The following WTAP variants were observed in gnomAD, a reference collection of about 807,000 sequenced individuals.
WTAP encodes the protein pre-mRNA-splicing regulator WTAP.
A neutral mutation model predicts 50.0 loss-of-function variants in WTAP; 8 were observed. The observed-to-expected ratio is 0.16, with a 90% CI of 0.09 to 0.29. The LOEUF (loss-of-function observed/expected upper bound fraction) is 0.29, where lower values mean the gene tolerates loss of function less well. Ranked by LOEUF, WTAP falls within the 10% of genes least tolerant of loss-of-function variation. The pLI is 1.00. For synonymous variants in WTAP, 194 were observed against 169.0 expected, an observed-to-expected ratio of 1.15 and a Z score of -1.15; for missense variants, 295 against 470.7, an observed-to-expected ratio of 0.63 and a Z score of 3.45.
At chr6:159,732,131 G>T (rs1464611921) in intron 1 of WTAP, among the ~76,000 whole-genome samples, 2 of 152,066 alleles carry the variant, frequency 1.3e-5, no homozygotes, top group East Asian at 1.9e-4. Context: ...CTGTATTTTT[G>T]ATCCGAGTAC....
intron 5 of WTAP, among the ~76,000 whole-genome samples, chr6:159,747,919 GT>G (rs1779672151): frequency 6.6e-6 from 1 of 152,030 alleles, no homozygotes; most frequent in South Asian, 2.1e-4. Flanking sequence ...TGACAAATAA[GT>G]TTTTTACATA....
chr6:159,754,957 G>C (rs756435341), intron 7 of WTAP, 71 bp from the exon 8 acceptor site: 50 of 1,422,456 alleles, frequency 3.5e-5, no homozygotes, highest in Non-Finnish European at 4.6e-5. Flanking sequence ...CTTGCTTTGT[G>C]GCAGGCACTA....
At chr6:159,744,496 T>C (rs1275482936) in intron 5 of WTAP, among the ~76,000 whole-genome samples, 1 of 149,650 alleles carries the variant, frequency 6.7e-6, no homozygotes, top group Non-Finnish European at 1.5e-5. Flanking sequence ...ATTCTGGTCA[T>C]TGGAGACACC....
chr6:159,738,949 T>G, intron 2 of WTAP, 41 bp from the exon 3 acceptor site: 1 of 1,514,228 alleles, frequency 6.6e-7, no homozygotes, highest in Non-Finnish European at 9.1e-7. Flanking sequence ...CTTTGTGTCT[T>G]CAGGAAGAAC....
At chr6:159,742,623 T>A (rs1171899444) in intron 4 of WTAP, among the ~76,000 whole-genome samples, 1 of 152,192 alleles carries the variant, frequency 6.6e-6, no homozygotes. Context: ...GCCATTTTAG[T>A]CTCACTTTTT....
intron 2 of WTAP, among the ~76,000 whole-genome samples, chr6:159,737,590 T>A (rs1778998907): frequency 6.6e-6 from 1 of 152,048 alleles, no homozygotes; most frequent in Non-Finnish European, 1.5e-5. Context: ...TACCCCAGCT[T>A]ATGCGATCCT....
chr6:159,753,279 G>T, intron 6 of WTAP, 181 bp from the exon 7 acceptor site: 1 of 883,616 alleles, frequency 1.1e-6, no homozygotes. Flanking sequence ...TTACTGCTGT[G>T]TTGGCAAAAT....
chr6:159,751,212 G>A (rs778499654), intron 6 of WTAP, among the ~76,000 whole-genome samples: 5 of 152,068 alleles, frequency 3.3e-5, no homozygotes, highest in African/African-American at 9.7e-5. Flanking sequence ...AGTTTTAAAC[G>A]TGATATGACT....
chr6:159,727,374 T>TGGCAGGAGGCGGGAGGCAGGA, upstream of WTAP: 2 of 1,032,510 alleles, frequency 1.9e-6, no homozygotes, highest in Non-Finnish European at 2.5e-6. Flanking sequence ...GCGGGGAGGC[T>TGGCAGGAGGCGGGAGGCAGGA]GGCGGGAGGC....
chr6:159,752,041 AAC>A (rs1302949393), intron 6 of WTAP, among the ~76,000 whole-genome samples: 1 of 151,606 alleles, frequency 6.6e-6, no homozygotes, highest in East Asian at 1.9e-4. Flanking sequence ...CCAGCCTGGC[AAC>A]ACAGTGAGAC....
At chr6:159,732,347 C>A (rs940251213) in intron 1 of WTAP, among the ~76,000 whole-genome samples, 4 of 152,066 alleles carry the variant, frequency 2.6e-5, no homozygotes, top group Non-Finnish European at 5.9e-5. Context: ...AAAAGGTATA[C>A]CACCTAGCCA....
chr6:159,728,412 A>T (rs1173925195), intron 1 of WTAP, among the ~76,000 whole-genome samples: 2 of 138,504 alleles, frequency 1.4e-5, no homozygotes, highest in Admixed American at 7.0e-5. Context: ...GTGATTATGT[A>T]AAAAAAACAA....
At chr6:159,727,470 G>A, upstream of WTAP, 1 of 993,238 alleles carries the variant, frequency 1.0e-6, no homozygotes, top group Non-Finnish European at 1.2e-6. Flanking sequence ...GCGGAGCCGT[G>A]CGGCGGGGCG....
In WTAP at chr6:159,742,072, GA is replaced by G. The variant is rs771400411; in HGVS notation, c.87-15del. 111 of 1,573,728 alleles carry G rather than the reference GA, an allele frequency of 7.1e-5. No individual in the cohort carries two copies. The East Asian group carries it at 2.4e-3, about 34-fold the overall frequency. ...ATTTTATCGTAACAACTAATGTATG[GA>G]TTTTTTTTTATTAGATGGAAACAAT... On this transcript the variant is annotated splice_polypyrimidine_tract_variant and intron_variant, in intron 3 of 7. Transcript: ENST00000621533.
intron 1 of WTAP, among the ~76,000 whole-genome samples, chr6:159,731,292 C>G (rs1198500220): frequency 6.6e-6 from 1 of 151,406 alleles, no homozygotes; most frequent in Non-Finnish European, 1.5e-5. Flanking sequence ...AAGACCTCAT[C>G]TCTACTACCA....
At chr6:159,735,250 T>C (rs998954315) in intron 1 of WTAP, among the ~76,000 whole-genome samples, 7 of 152,166 alleles carry the variant, frequency 4.6e-5, no homozygotes, top group African/African-American at 1.7e-4. Context: ...AGGCGATTCC[T>C]GCCTCAGTCT....
chr6:159,737,084 C>G (rs1417917339), intron 2 of WTAP, among the ~76,000 whole-genome samples: 2 of 152,198 alleles, frequency 1.3e-5, no homozygotes, highest in African/African-American at 4.8e-5. Flanking sequence ...GTCTTGCTCT[C>G]TTGCCCAGGT....
Position 159,745,474 on chromosome 6 carries a change from G to A in WTAP, c.273+1682G>A, listed in dbSNP as rs145145122. Among the ~76,000 whole-genome samples the A allele has an allele frequency of 6.2e-3, 929 of 150,504 alleles. 7 individuals are homozygous for A. Among genetic ancestry groups the A allele is most frequent in the African/African-American group, 0.02 (831 of 40,780 alleles). ...TTTAAAACAGCTGTCACCTGCATAC[G>A]CCAGCTGAACAACTTCCTGTTCTTC... is the stretch of plus-strand genomic sequence containing the variant. On this transcript the variant is annotated intron_variant, in intron 5 of 7. Coordinates refer to ENST00000621533, the MANE Select transcript of WTAP (RefSeq NM_001270531.2).
intron 1 of WTAP, among the ~76,000 whole-genome samples, chr6:159,734,113 T>C (rs1168610755): frequency 3.9e-5 from 6 of 152,320 alleles, no homozygotes; most frequent in Admixed American, 3.9e-4. Context: ...GTTGGAAGAT[T>C]ATCTCCTTTT....
Sources: gnomAD v4.1 joint callset for allele counts (sites outside exome capture counted in the v4.1 genomes callset) on GRCh38, gnomAD v4.1.1 for gene constraint, MANE v1.5 for transcripts, NCBI Gene and HGNC (gene_info 2026-07-23, HGNC 2026-07-21) for gene names.